Variants in FBXL13 observed in about 807,000 individuals in gnomAD.
FBXL13 encodes the protein F-box and leucine rich repeat protein 13, also known as F-box and leucine-rich repeat protein 13.
A neutral mutation model predicts 83.6 loss-of-function variants in FBXL13; 67 were observed. The observed-to-expected ratio is 0.80, with a 90% CI of 0.66 to 0.98. The LOEUF (loss-of-function observed/expected upper bound fraction) is 0.98, where lower values mean the gene tolerates loss of function less well. Among genes scored for constraint, FBXL13 ranks in the 50% least tolerant of loss-of-function variants. The pLI, the probability that FBXL13 is intolerant of heterozygous loss-of-function variation, is 0.00. For missense variants in FBXL13, 822 were observed against 866.5 expected, an observed-to-expected ratio of 0.95 and a Z score of 0.64; for synonymous variants, 272 against 299.5, an observed-to-expected ratio of 0.91 and a Z score of 0.95.
Position 102,965,490 on chromosome 7 carries a change from A to G in FBXL13, c.592-1825T>C, listed in dbSNP as rs558300842. Among the ~76,000 whole-genome samples, 3 of 152,354 alleles carry G rather than the reference A, an allele frequency of 2.0e-5. No individual in the cohort carries two copies. The South Asian group carries it at 6.2e-4, about 32-fold the overall frequency. ...AAAAATACATGACAAAGCACACAAA[A>G]TATGGAGTACATAAATTTTAAAAAG... On this transcript the variant is annotated intron_variant, in intron 7 of 19. Coordinates refer to ENST00000313221, the Ensembl canonical transcript of FBXL13.
At chr7:102,912,693 A>G (rs1055235386) in intron 11 of FBXL13, among the ~76,000 whole-genome samples, 3 of 130,896 alleles carry the variant, frequency 2.3e-5, no homozygotes, top group African/African-American at 8.6e-5. Flanking sequence ...CCAAAAAAAA[A>G]CCCATGTGGG....
rs537282008 is a variant in FBXL13, at chr7:102,976,502, C to T, written c.496-8385G>A. On this transcript the variant is annotated intron_variant, in intron 6 of 19. Coordinates refer to ENST00000313221, the Ensembl canonical transcript of FBXL13. ...CTTCCACGTTCCCCATAATACCCAA[C>T]GCATCAACCCAAACCCCTCTGGGGC... Among the ~76,000 whole-genome samples the T allele has an allele frequency of 4.6e-5, 7 of 152,314 alleles. No individual in the cohort carries two copies. The East Asian group carries it at 1.2e-3, about 25-fold the overall frequency.
At chr7:102,905,621 T>C (rs980513891) in intron 11 of FBXL13, among the ~76,000 whole-genome samples, 1 of 152,232 alleles carries the variant, frequency 6.6e-6, no homozygotes, top group Non-Finnish European at 1.5e-5. Flanking sequence ...AATATTATTA[T>C]TGATAAGTAA....
At chr7:102,983,967 CTTTG>C (rs756247974) in intron 6 of FBXL13, among the ~76,000 whole-genome samples, 47 of 152,144 alleles carry the variant, frequency 3.1e-4, no homozygotes, top group Admixed American at 1.0e-3. Context: ...TCTTTCAATA[CTTTG>C]TTCGTGACAT....
At chr7:102,856,828 G>A (rs1806114845) in intron 16 of FBXL13, among the ~76,000 whole-genome samples, 1 of 152,126 alleles carries the variant, frequency 6.6e-6, no homozygotes, top group Non-Finnish European at 1.5e-5. Flanking sequence ...TTGGAAAACA[G>A]TCTGCATTTC....
At chr7:102,852,478 C>A (rs1805411899) in intron 17 of FBXL13, among the ~76,000 whole-genome samples, 2 of 152,070 alleles carry the variant, frequency 1.3e-5, no homozygotes, top group South Asian at 4.2e-4. Context: ...CGAACTCAAA[C>A]AAATTAGCAA....
intron 6 of FBXL13, among the ~76,000 whole-genome samples, chr7:102,999,619 A>C (rs552256582): frequency 9.9e-5 from 15 of 152,000 alleles, no homozygotes; most frequent in African/African-American, 3.4e-4. Flanking sequence ...TGGGTTTTCT[A>C]TTTCTTCATG....
intron 8 of FBXL13, among the ~76,000 whole-genome samples, chr7:102,955,814 C>T (rs1290390895): frequency 2.0e-5 from 3 of 151,922 alleles, no homozygotes; most frequent in Admixed American, 1.3e-4. Flanking sequence ...ACACATACAC[C>T]CTCCCAAGAC....
chr7:102,879,439 A>ATGTGTGTGTGTGTGTG (rs139051886), intron 14 of FBXL13, among the ~76,000 whole-genome samples: 1,631 of 144,770 alleles, frequency 0.011, 44 homozygotes, highest in African/African-American at 0.039. Flanking sequence ...GCAGTTAAGG[A>ATGTGTGTGTGTGTGTG]TGTGTGTGTG....
intron 14 of FBXL13, among the ~76,000 whole-genome samples, chr7:102,882,470 C>T (rs1584765926): frequency 6.6e-6 from 1 of 151,756 alleles, no homozygotes; most frequent in Non-Finnish European, 1.5e-5. Context: ...CAAGAAACCT[C>T]TTGATCCTTG....
intron 6 of FBXL13, among the ~76,000 whole-genome samples, chr7:102,998,217 T>C (rs1790017595): frequency 6.6e-6 from 1 of 152,252 alleles, no homozygotes; most frequent in Non-Finnish European, 1.5e-5. Context: ...ATTCAGATCT[T>C]TTGCCTATTT....
intron 2 of FBXL13, among the ~76,000 whole-genome samples, chr7:103,044,306 T>G (rs1463697592): frequency 6.6e-6 from 1 of 152,176 alleles, no homozygotes. Flanking sequence ...AACAACCAAG[T>G]GCAATATGTA....
At position 103,070,973 on chromosome 7, in the gene FBXL13, A is replaced by T. The variant is rs554469365; in HGVS notation, c.-105+3273T>A. 2.2e-4 allele frequency among the ~76,000 whole-genome samples: 33 copies of T among 152,376 alleles called. No individual in the cohort carries two copies. The East Asian group carries it at 6.2e-3, about 28-fold the overall frequency. Reference sequence around the variant, plus strand: ...AACAGAAAAAGGCAAACTGAATGAAAAGATGCATAATTCTAATAATCAGAA... The same window carrying T: ...AACAGAAAAAGGCAAACTGAATGAATAGATGCATAATTCTAATAATCAGAA... On this transcript the variant is annotated intron_variant, in intron 1 of 19. Coordinates refer to ENST00000313221, the Ensembl canonical transcript of FBXL13.
chr7:103,019,807 G>A (rs575472911), intron 6 of FBXL13, among the ~76,000 whole-genome samples: 1 of 152,230 alleles, frequency 6.6e-6, no homozygotes, highest in Admixed American at 6.5e-5. Flanking sequence ...CCAATAACAG[G>A]CTCTGAAACT....
chr7:102,855,170 A>G (rs1317335606), intron 16 of FBXL13, among the ~76,000 whole-genome samples: 1 of 152,204 alleles, frequency 6.6e-6, no homozygotes, highest in South Asian at 2.1e-4. Context: ...CTGAATCAAT[A>G]TAAACAAATC....
intron 2 of FBXL13, among the ~76,000 whole-genome samples, chr7:103,052,649 C>A (rs1005904710): frequency 3.3e-5 from 5 of 152,168 alleles, no homozygotes; most frequent in African/African-American, 1.2e-4. Flanking sequence ...GAAGTGGACA[C>A]CTTTTCTATG....
intron 8 of FBXL13, among the ~76,000 whole-genome samples, chr7:102,960,517 C>G (rs980134664): frequency 1.5e-4 from 22 of 151,342 alleles, no homozygotes; most frequent in African/African-American, 5.3e-4. Context: ...CAAAGCCAGG[C>G]AGAGACACAA....
At chr7:102,873,865 G>A (rs1375218849) in intron 16 of FBXL13, among the ~76,000 whole-genome samples, 1 of 152,064 alleles carries the variant, frequency 6.6e-6, no homozygotes, top group African/African-American at 2.4e-5. Context: ...TTCTTCTCTG[G>A]GAAAAGAATC....
chr7:102,998,102 A>G (rs151057872), intron 6 of FBXL13, among the ~76,000 whole-genome samples: 2 of 152,216 alleles, frequency 1.3e-5, no homozygotes, highest in African/African-American at 4.8e-5. Context: ...ATAAAGGATG[A>G]TATCTCATTG....
Sources: allele counts gnomAD v4.1 joint callset (sites outside exome capture counted in the v4.1 genomes callset), GRCh38; gene constraint gnomAD v4.1.1; transcripts MANE v1.5; gene names NCBI Gene and HGNC (gene_info 2026-07-23, HGNC 2026-07-21).